FAM81A: variants seen among roughly 807,000 people sequenced by gnomAD.
FAM81A encodes family with sequence similarity 81 member A.
FAM81A carries 19 observed loss-of-function variants against 46.7 expected under a neutral mutation model. The observed-to-expected ratio is 0.41, with a 90% CI of 0.28 to 0.60. The LOEUF is 0.60. Ranked by LOEUF, FAM81A falls within the 20% of genes least tolerant of loss-of-function variation. FAM81A has a pLI of 0.34. For missense variants in FAM81A, 377 were observed against 453.5 expected (o/e 0.83, Z 1.53); for synonymous variants, 183 against 152.9 (o/e 1.20, Z -1.45).
chr15:59,464,886 C>T (rs2081593797), intron 3 of FAM81A, among the ~76,000 whole-genome samples: 1 of 152,076 alleles, frequency 6.6e-6, no homozygotes, highest in African/African-American at 2.4e-5. Context: ...AAAATCTTCT[C>T]CTAGACCAGT....
upstream of FAM81A, among the ~76,000 whole-genome samples, chr15:59,435,980 C>G (rs1461633903): frequency 6.6e-6 from 1 of 152,118 alleles, no homozygotes; most frequent in Non-Finnish European, 1.5e-5. Context: ...GGATTCAAAA[C>G]AAATCACTTA....
At chr15:59,488,069 A>G (rs750980982) in intron 3 of FAM81A, among the ~76,000 whole-genome samples, 146 of 152,362 alleles carry the variant, frequency 9.6e-4, no homozygotes, top group Non-Finnish European at 2.6e-4. Context: ...AAGATCATTC[A>G]TCATTAACAA....
intron 3 of FAM81A, among the ~76,000 whole-genome samples, chr15:59,481,593 C>T (rs890811865): frequency 6.6e-6 from 1 of 151,996 alleles, no homozygotes; most frequent in African/African-American, 2.4e-5. Context: ...TACACACTTT[C>T]CCTTGTTGCT....
At chr15:59,436,595 C>T (rs1348453147), upstream of FAM81A, among the ~76,000 whole-genome samples, 1 of 152,136 alleles carries the variant, frequency 6.6e-6, no homozygotes, top group African/African-American at 2.4e-5. Context: ...TGAATGGGTA[C>T]TTTCTGCTAA....
In FAM81A at chr15:59,460,020, G is replaced by A; in HGVS notation, c.108G>A (p.Arg36=). 6.2e-7 allele frequency: 1 copy of A among 1,613,898 alleles called. No homozygotes were observed. The highest frequency in any genetic ancestry group is 8.5e-7 in the Non-Finnish European group (1 of 1,179,850). Residue 36 remains arginine, a synonymous_variant, in exon 3 of 9, where the codon AGG becomes AGA. Coordinates refer to ENST00000288228, the MANE Select transcript of FAM81A (RefSeq NM_152450.3). The surrounding 1 kb of genome is among the most constrained non-coding windows in gnomAD (Gnocchi z 4.4). Reference sequence around the variant, plus strand: ...GCCTCGTGGAGCAGCTGGAAGACAGGATCCTCTGCCATGAGAAAACCACCG... The same window carrying A: ...GCCTCGTGGAGCAGCTGGAAGACAGAATCCTCTGCCATGAGAAAACCACCG... The part of the protein sequence containing the change: ...SVSLVEQLED[R]ILCHEKTTAA...
At position 59,516,699 on chromosome 15, in the gene FAM81A, G is replaced by T; in HGVS notation, c.841G>T (p.Asp281Tyr). 6.2e-7 allele frequency: 1 copy of T among 1,613,688 alleles called. No individual in the cohort carries two copies. Among genetic ancestry groups the T allele is most frequent in the South Asian group, 1.1e-5 (1 of 91,006 alleles). ...GCTCAGCCAGATGTCAGCCAGGCTT[G>T]ACAAAATAGAAGAGGGTCAAAAGAA... is the stretch of plus-strand genomic sequence containing the variant. ...KKLSQMSARL[D>Y]KIEEGQKKTF... The change falls in exon 8 of 9, where the codon GAC (aspartate) becomes TAC (tyrosine). Residue 281 changes from aspartate to tyrosine, a missense_variant. Physicochemically the swap from Asp to Tyr is radical, Grantham distance 160 (BLOSUM62 -3). Transcript: ENST00000288228.
intron 2 of FAM81A, among the ~76,000 whole-genome samples, chr15:59,419,481 CT>C (rs1394403644): frequency 1.8e-4 from 27 of 152,340 alleles, no homozygotes; most frequent in African/African-American, 6.3e-4. Flanking sequence ...TCATTCTTTT[CT>C]GACCTTCTAC....
At position 59,507,286 on chromosome 15, in the gene FAM81A, G is replaced by C. The variant is rs575707732; in HGVS notation, c.487G>C (p.Glu163Gln). ...TGAGGGGCTCCAGCACTTGAACAAA[G>C]AACAGCAGGCTGCCAAACTTATCTT... The part of the protein sequence containing the change: ...TYEGLQHLNK[E>Q]QQAAKLILET... Residue 163 changes from glutamate to glutamine, a missense_variant, in exon 5 of 9, where the codon GAA (glutamate) becomes CAA (glutamine). Glu to Gln is a conservative substitution (Grantham distance 29). Transcript: ENST00000288228. 1.2e-6 allele frequency: 2 copies of C among 1,612,270 alleles called. No individual in the cohort carries two copies. Among genetic ancestry groups the C allele is most frequent in the South Asian group, 1.1e-5 (1 of 90,528 alleles).
intron 1 of FAM81A, among the ~76,000 whole-genome samples, chr15:59,447,632 A>G (rs1048955310): frequency 6.6e-6 from 1 of 152,206 alleles, no homozygotes; most frequent in Non-Finnish European, 1.5e-5. Context: ...GTCAATCTAG[A>G]TACATTGGCT....
chr15:59,473,525 A>G (rs954211889), intron 3 of FAM81A, among the ~76,000 whole-genome samples: 2 of 152,166 alleles, frequency 1.3e-5, no homozygotes, highest in Non-Finnish European at 2.9e-5. Context: ...AAAAAATACA[A>G]ACTTTTCCCA....
intron 3 of FAM81A, among the ~76,000 whole-genome samples, chr15:59,478,699 C>T (rs2081805980): frequency 6.6e-6 from 1 of 152,198 alleles, no homozygotes; most frequent in Non-Finnish European, 1.5e-5. Context: ...TATGCCTTGA[C>T]TTCGGGGGAG....
At chr15:59,422,859 T>C (rs1234622461) in intron 2 of FAM81A, among the ~76,000 whole-genome samples, 1 of 152,276 alleles carries the variant, frequency 6.6e-6, no homozygotes, top group Non-Finnish European at 1.5e-5. Flanking sequence ...GAGTGGTTCA[T>C]AAGAAATTTC....
chr15:59,499,796 CT>C (rs2082072153), intron 4 of FAM81A, among the ~76,000 whole-genome samples: 1 of 151,420 alleles, frequency 6.6e-6, no homozygotes, highest in African/African-American at 2.4e-5. Flanking sequence ...TTCTAGTTCC[CT>C]TGTATGTGAG....
At chr15:59,400,880 T>C (rs1330965678) in intron 1 of FAM81A, among the ~76,000 whole-genome samples, 2 of 152,226 alleles carry the variant, frequency 1.3e-5, no homozygotes, top group Admixed American at 6.5e-5. Context: ...ACTGGTTGAT[T>C]AGTGTTTCTA....
intron 1 of FAM81A, 28 bp from the exon 2 acceptor site, chr15:59,458,522 A>C: frequency 6.5e-7 from 1 of 1,542,404 alleles, no homozygotes; most frequent in Non-Finnish European, 8.9e-7. Flanking sequence ...TAAACTGTTA[A>C]ATAATTTAGT....
intron 1 of FAM81A, chr15:59,401,140 G>C (rs1246695462): frequency 2.8e-6 from 2 of 719,378 alleles, no homozygotes; most frequent in East Asian, 5.0e-5. Context: ...ATGGCTGTTT[G>C]GTAGTATTCA....
At chr15:59,409,634 G>A (rs566379469) in intron 2 of FAM81A, among the ~76,000 whole-genome samples, 11 of 152,218 alleles carry the variant, frequency 7.2e-5, no homozygotes, top group South Asian at 2.1e-4. Flanking sequence ...GCCAGTTTTC[G>A]ATTTTCTTTA....
intron 3 of FAM81A, among the ~76,000 whole-genome samples, chr15:59,461,446 C>G (rs781243173): frequency 7.9e-5 from 12 of 152,046 alleles, no homozygotes; most frequent in Non-Finnish European, 1.2e-4. Context: ...CAATCATGCC[C>G]AGCTAATTTT....
chr15:59,459,696 T>C (rs2081527388), intron 2 of FAM81A, among the ~76,000 whole-genome samples: 2 of 152,018 alleles, frequency 1.3e-5, no homozygotes, highest in Admixed American at 1.3e-4. Flanking sequence ...TCTGCCAGCC[T>C]CTTGCTCTTG....
Sources: gnomAD v4.1 joint callset for allele counts (sites outside exome capture counted in the v4.1 genomes callset) on GRCh38, gnomAD v4.1.1 for gene constraint, Gnocchi (gnomAD v3.1) non-coding constraint, MANE v1.5 for transcripts, NCBI Gene and HGNC (gene_info 2026-07-23, HGNC 2026-07-21) for gene names.